MMP16: variants seen among roughly 807,000 people sequenced by gnomAD.
The protein encoded by MMP16 is matrix metallopeptidase 16.
A neutral mutation model predicts 67.8 loss-of-function variants in MMP16; 12 were observed. The ratio of observed to expected loss-of-function variants is 0.18; its 90% confidence interval spans 0.11 to 0.29. MMP16 has a LOEUF of 0.29. Among genes scored for constraint, MMP16 ranks in the 10% least tolerant of loss-of-function variants. MMP16 has a pLI of 1.00. For missense variants in MMP16, 475 were observed against 765.7 expected (o/e 0.62, Z 4.48); for synonymous variants, 249 against 255.9 (o/e 0.97, Z 0.26).
At chr8:88,131,671 A>T (rs1051287465) in intron 4 of MMP16, among the ~76,000 whole-genome samples, 1 of 151,862 alleles carries the variant, frequency 6.6e-6, no homozygotes, top group Non-Finnish European at 1.5e-5. Context: ...ATTACTCATT[A>T]AAAACTACCT....
chr8:88,323,829 AGCT>A, intron 1 of MMP16, among the ~76,000 whole-genome samples: 1 of 152,042 alleles, frequency 6.6e-6, no homozygotes, highest in East Asian at 1.9e-4. Flanking sequence ...TATATGAGAT[AGCT>A]ATTTTAGGAA....
chr8:88,226,534 T>G (rs1354709008), intron 1 of MMP16, among the ~76,000 whole-genome samples: 1 of 152,122 alleles, frequency 6.6e-6, no homozygotes, highest in Admixed American at 6.6e-5. Flanking sequence ...ACATGGGTTG[T>G]TCAGTCAAGA....
chr8:88,246,554 C>A (rs1379267323), intron 1 of MMP16, among the ~76,000 whole-genome samples: 1 of 152,034 alleles, frequency 6.6e-6, no homozygotes, highest in Non-Finnish European at 1.5e-5. Context: ...AAAAATATAC[C>A]AAATGATAAA....
intron 4 of MMP16, among the ~76,000 whole-genome samples, chr8:88,161,128 G>T (rs868865897): frequency 7.9e-5 from 12 of 152,172 alleles, no homozygotes; most frequent in African/African-American, 2.9e-4. Flanking sequence ...AATGGTACCA[G>T]CTCCTCCTTG....
rs1015684514 is a variant in MMP16 at position 88,037,579 on chromosome 8, G to A, written c.*3882C>T. 5.3e-5 allele frequency: 8 copies of A among 151,816 alleles called. No individual in the cohort carries two copies. Among genetic ancestry groups the A allele is most frequent in the Non-Finnish European group, 1.2e-4 (8 of 67,846 alleles). The allele number at this position is 151,816 out of a possible 1,614,324, so 9.4% of individuals were successfully genotyped here. ...TGTCTAATTTAGCTCTATAACCTTT[G>A]CAATCAGAAAGAGCATCTGTATTCA... On this transcript the variant is annotated 3_prime_UTR_variant, in exon 10 of 10. Coordinates refer to ENST00000286614, the MANE Select transcript of MMP16 (RefSeq NM_005941.5).
intron 1 of MMP16, among the ~76,000 whole-genome samples, chr8:88,210,907 C>G (rs1809502804): frequency 6.6e-6 from 1 of 152,102 alleles, no homozygotes; most frequent in Non-Finnish European, 1.5e-5. Context: ...GCACTAATCT[C>G]CTTAACACAT....
At chr8:88,097,657 C>G (rs1383703255) in intron 6 of MMP16, among the ~76,000 whole-genome samples, 2 of 122,516 alleles carry the variant, frequency 1.6e-5, no homozygotes, top group Non-Finnish European at 3.5e-5. Context: ...AGAATGAAAA[C>G]ATCAAAAGAA....
At chr8:88,307,019 T>C (rs1237897622) in intron 1 of MMP16, among the ~76,000 whole-genome samples, 1 of 152,212 alleles carries the variant, frequency 6.6e-6, no homozygotes, top group Non-Finnish European at 1.5e-5. Flanking sequence ...ATCCTGTATC[T>C]AGAAAACCCC....
intron 6 of MMP16, among the ~76,000 whole-genome samples, chr8:88,093,165 A>G (rs1378012024): frequency 6.6e-6 from 1 of 151,854 alleles, no homozygotes; most frequent in African/African-American, 2.4e-5. Context: ...ACATGTAACA[A>G]TGTACAATAT....
chr8:88,283,723 T>G (rs1519930), intron 1 of MMP16, among the ~76,000 whole-genome samples: 89,064 of 152,000 alleles, frequency 0.59, 27,031 homozygotes, highest in East Asian at 0.84. Flanking sequence ...TTTAAAATTT[T>G]TTATTAATAA....
At chr8:88,091,642 CTCT>C (rs751174348) in intron 6 of MMP16, among the ~76,000 whole-genome samples, 14 of 151,704 alleles carry the variant, frequency 9.2e-5, no homozygotes, top group Non-Finnish European at 1.8e-4. Flanking sequence ...TCTAGTTTAC[CTCT>C]TATTAGTAGT....
intron 1 of MMP16, among the ~76,000 whole-genome samples, chr8:88,326,639 T>G (rs1039603591): frequency 1.3e-5 from 2 of 152,186 alleles, no homozygotes; most frequent in Non-Finnish European, 2.9e-5. Flanking sequence ...ATTCTTTGAT[T>G]TTTAACCTCC....
At chr8:88,223,641 A>G (rs1809721508) in intron 1 of MMP16, among the ~76,000 whole-genome samples, 1 of 138,138 alleles carries the variant, frequency 7.2e-6, no homozygotes, top group Admixed American at 8.2e-5. Context: ...GAACTGAACA[A>G]TGAAAGCACT....
At chr8:88,118,612 CT>C in intron 5 of MMP16, 87 bp downstream of exon 5, 1 of 1,224,954 alleles carries the variant, frequency 8.2e-7, no homozygotes. Context: ...CTGTGTTATA[CT>C]TAGAGCATCT....
chr8:88,161,844 T>C (rs1370897361), intron 4 of MMP16, among the ~76,000 whole-genome samples: 1 of 152,146 alleles, frequency 6.6e-6, no homozygotes, highest in Admixed American at 6.6e-5. Flanking sequence ...GGTTGTTCAG[T>C]TTCCAGGCAG....
At chr8:88,127,957 A>G (rs561442041) in intron 4 of MMP16, among the ~76,000 whole-genome samples, 426 of 151,940 alleles carry the variant, frequency 2.8e-3, no homozygotes, top group Non-Finnish European at 4.7e-3. Context: ...GCTGTTATAC[A>G]TAAGGGCTGG....
chr8:88,163,430 T>C (rs1452413471), intron 4 of MMP16, among the ~76,000 whole-genome samples: 1 of 152,062 alleles, frequency 6.6e-6, no homozygotes, highest in Non-Finnish European at 1.5e-5. Context: ...CCTTCCTGGT[T>C]ATCTCCTTAT....
At chr8:88,162,803 G>T (rs566016049) in intron 4 of MMP16, among the ~76,000 whole-genome samples, 1 of 152,112 alleles carries the variant, frequency 6.6e-6, no homozygotes, top group East Asian at 1.9e-4. Context: ...ACCATGTGTA[G>T]ATGTGCTTGC....
At chr8:88,276,394 A>G (rs974147462) in intron 1 of MMP16, among the ~76,000 whole-genome samples, 1 of 152,088 alleles carries the variant, frequency 6.6e-6, no homozygotes, top group African/African-American at 2.4e-5. Flanking sequence ...TCCCTTGAGG[A>G]TAATTCCACA....
Sources: gnomAD v4.1 joint callset for allele counts (sites outside exome capture counted in the v4.1 genomes callset) on GRCh38, gnomAD v4.1.1 for gene constraint, MANE v1.5 for transcripts, NCBI Gene and HGNC (gene_info 2026-07-23, HGNC 2026-07-21) for gene names.